The following OSBPL9 variants were observed in gnomAD, a reference collection of about 807,000 sequenced individuals.
OSBPL9 encodes the protein oxysterol binding protein like 9.
A neutral mutation model predicts 106.6 loss-of-function variants in OSBPL9; 40 were observed. The observed-to-expected ratio is 0.38, with a 90% CI of 0.29 to 0.49. The LOEUF is 0.49. OSBPL9 is among the 20% of genes least tolerant of loss of function. The pLI, the probability that OSBPL9 is intolerant of heterozygous loss-of-function variation, is 0.97. For synonymous variants in OSBPL9, 269 were observed against 295.4 expected (o/e 0.91, Z 0.92); for missense variants, 609 against 887.2 (o/e 0.69, Z 3.98).
intron 1 of OSBPL9, among the ~76,000 whole-genome samples, chr1:51,586,819 G>A (rs1381673368): frequency 6.6e-6 from 1 of 152,104 alleles, no homozygotes; most frequent in Non-Finnish European, 1.5e-5. Flanking sequence ...GGGACTACTG[G>A]TGGAATCTTC....
intron 1 of OSBPL9, among the ~76,000 whole-genome samples, chr1:51,646,913 C>G (rs906441834): frequency 2.7e-4 from 41 of 152,180 alleles, no homozygotes; most frequent in Admixed American, 1.3e-4. Context: ...ATCTAGATGC[C>G]TTTATTTCCT....
At chr1:51,521,481 G>A in the OSBPL9 span, among the ~76,000 whole-genome samples, 21 of 152,286 alleles carry the variant, frequency 1.4e-4, no homozygotes, top group South Asian at 4.1e-4. Context: ...GAGTGTGACC[G>A]CAGGCAAACC....
chr1:51,787,996 A>G lies in OSBPL9; in HGVS notation c.*207A>G, dbSNP rs969256583. On this transcript the variant is annotated 3_prime_UTR_variant, in exon 24 of 24. Transcript: ENST00000428468. The stretch of plus-strand genomic sequence containing the variant: ...CTGTGGCAGTTACGATTTTGACTTC[A>G]GTCCTGAGAAAAACTTCAGGTTTTG... 19 of 529,098 alleles carry G rather than the reference A, an allele frequency of 3.6e-5. No homozygotes were observed. Among genetic ancestry groups the G allele is most frequent in the Non-Finnish European group, 4.7e-5 (14 of 299,838 alleles). The allele number at this position is 529,098 out of a possible 1,614,324, so 32.8% of individuals were successfully genotyped here. A position where few individuals can be genotyped will look rare whatever the true frequency, so the allele number is the denominator to read the frequency against.
chr1:51,617,808 C>T (rs1246839903), intron 1 of OSBPL9, among the ~76,000 whole-genome samples: 1 of 152,116 alleles, frequency 6.6e-6, no homozygotes, highest in African/African-American at 2.4e-5. Context: ...TAGCGGGAGG[C>T]GAGCTCAAAC....
the OSBPL9 span, among the ~76,000 whole-genome samples, chr1:51,546,084 T>C: frequency 6.6e-6 from 1 of 151,978 alleles, no homozygotes; most frequent in African/African-American, 2.4e-5. Flanking sequence ...TGGCGCAATC[T>C]CAGCTCACTG....
chr1:51,608,587 G>A (rs1381583879), intron 2 of OSBPL9, among the ~76,000 whole-genome samples: 1 of 151,566 alleles, frequency 6.6e-6, no homozygotes, highest in Non-Finnish European at 1.5e-5. Context: ...ACAGGCATGA[G>A]CCACCACAAC....
chr1:51,771,198 A>G (rs1673806909), intron 12 of OSBPL9, among the ~76,000 whole-genome samples: 1 of 152,254 alleles, frequency 6.6e-6, no homozygotes, highest in Non-Finnish European at 1.5e-5. Context: ...TTAGATTAGA[A>G]TACATGTTTT....
chr1:51,739,007 A>G (rs1177035826), intron 4 of OSBPL9, among the ~76,000 whole-genome samples: 2 of 151,994 alleles, frequency 1.3e-5, no homozygotes, highest in African/African-American at 2.4e-5. Context: ...TGGATGAGAA[A>G]ATGTAAGTGA....
chr1:51,685,287 A>G (rs1259137738), intron 3 of OSBPL9, among the ~76,000 whole-genome samples: 1 of 152,154 alleles, frequency 6.6e-6, no homozygotes, highest in Non-Finnish European at 1.5e-5. Flanking sequence ...CCCAGGTTAA[A>G]TATCTCTAAG....
At chr1:51,772,383 T>C (rs1391787053) in intron 13 of OSBPL9, among the ~76,000 whole-genome samples, 1 of 152,130 alleles carries the variant, frequency 6.6e-6, no homozygotes, top group African/African-American at 2.4e-5. Flanking sequence ...GGCATGGTGG[T>C]GCGTGCCTGT....
intron 22 of OSBPL9, 35 bp downstream of exon 22, chr1:51,786,652 A>C (rs376432186): frequency 1.5e-5 from 24 of 1,565,912 alleles, no homozygotes; most frequent in Non-Finnish European, 2.0e-5. Context: ...CTATTGCTGC[A>C]GTGCTTAAAC....
intron 16 of OSBPL9, 81 bp from the exon 17 acceptor site, chr1:51,782,478 C>A: frequency 9.5e-7 from 1 of 1,047,122 alleles, no homozygotes. Flanking sequence ...GTAGAGCGAG[C>A]AGAGACCCCA....
At chr1:51,641,391 T>C (rs1017098654) in intron 1 of OSBPL9, among the ~76,000 whole-genome samples, 3 of 152,208 alleles carry the variant, frequency 2.0e-5, no homozygotes, top group African/African-American at 7.2e-5. Flanking sequence ...TTTCAACATA[T>C]GAACTTTGTG....
chr1:51,549,022 T>C, the OSBPL9 span, among the ~76,000 whole-genome samples: 3 of 152,220 alleles, frequency 2.0e-5, no homozygotes, highest in African/African-American at 7.2e-5. Context: ...TTAGCTCTTT[T>C]TCACAACAGG....
the OSBPL9 span, among the ~76,000 whole-genome samples, chr1:51,541,379 C>T: frequency 1.3e-5 from 2 of 152,192 alleles, no homozygotes; most frequent in East Asian, 3.8e-4. Flanking sequence ...TCATCATCTA[C>T]ACTCCATCTC....
chr1:51,690,417 G>C (rs1007165712), intron 3 of OSBPL9, among the ~76,000 whole-genome samples: 5 of 152,192 alleles, frequency 3.3e-5, no homozygotes, highest in South Asian at 2.1e-4. Flanking sequence ...TGGAAGTTGT[G>C]GGGGAGGAAC....
upstream of OSBPL9, among the ~76,000 whole-genome samples, chr1:51,576,272 T>C (rs1460987459): frequency 6.6e-6 from 1 of 152,192 alleles, no homozygotes; most frequent in East Asian, 1.9e-4. Context: ...CCTCTGTCAC[T>C]CCCTCCTGAG....
At chr1:51,626,557 G>A (rs1304784933) in intron 1 of OSBPL9, among the ~76,000 whole-genome samples, 1 of 151,964 alleles carries the variant, frequency 6.6e-6, no homozygotes, top group African/African-American at 2.4e-5. Context: ...TGTCACCCAG[G>A]CTGGAGTACA....
At chr1:51,624,420 T>A (rs1037015338) in intron 1 of OSBPL9, among the ~76,000 whole-genome samples, 1 of 151,910 alleles carries the variant, frequency 6.6e-6, no homozygotes, top group Non-Finnish European at 1.5e-5. Context: ...AAACCCCGTC[T>A]GTACTAAAAA....
Sources: allele counts gnomAD v4.1 joint callset (sites outside exome capture counted in the v4.1 genomes callset), GRCh38; gene constraint gnomAD v4.1.1; transcripts MANE v1.5; gene names NCBI Gene and HGNC (gene_info 2026-07-23, HGNC 2026-07-21).